Variants in STARD3 observed in about 807,000 individuals in gnomAD.
STARD3 encodes the protein stAR-related lipid transfer protein 3.
Under a neutral mutation model 62.0 loss-of-function variants are expected in STARD3, and 39 were observed. The observed-to-expected ratio is 0.63, with a 90% confidence interval of 0.49 to 0.82. STARD3 has a LOEUF of 0.82. Ranked by LOEUF, STARD3 falls within the 40% of genes least tolerant of loss-of-function variation. The pLI is 0.00. For synonymous variants in STARD3, 229 were observed against 242.4 expected, an observed-to-expected ratio of 0.94 and a Z score of 0.51; for missense variants, 543 against 584.5, an observed-to-expected ratio of 0.93 and a Z score of 0.73.
chr17:39,653,961 C>T (rs113309125), intron 2 of STARD3, among the ~76,000 whole-genome samples: 6 of 152,314 alleles, frequency 3.9e-5, no homozygotes, highest in African/African-American at 1.4e-4. Context: ...GGTCCCTCTG[C>T]ACCCAAGTGT....
At chr17:39,637,452 G>C (rs1460250654) in intron 1 of STARD3, 1 of 152,332 alleles carries the variant, frequency 6.6e-6, no homozygotes, top group Non-Finnish European at 1.5e-5. Context: ...ATCCTGGGGA[G>C]CCCGGGGAGG....
intron 13 of STARD3, among the ~76,000 whole-genome samples, chr17:39,661,798 G>A (rs1190723190): frequency 2.0e-5 from 3 of 152,236 alleles, no homozygotes; most frequent in African/African-American, 7.2e-5. Context: ...GCTTAGGTGT[G>A]CTCAGTGGAG....
chr17:39,643,017 G>T (rs2056994621), intron 1 of STARD3, among the ~76,000 whole-genome samples: 1 of 152,082 alleles, frequency 6.6e-6, no homozygotes, highest in African/African-American at 2.4e-5. Flanking sequence ...TTGGAGGTTG[G>T]GGCACTGGGG....
At chr17:39,645,653 G>A (rs1193019736) in intron 1 of STARD3, among the ~76,000 whole-genome samples, 1 of 152,000 alleles carries the variant, frequency 6.6e-6, no homozygotes, top group Non-Finnish European at 1.5e-5. Flanking sequence ...TGTATGTTTA[G>A]TAGAGACGAG....
intron 1 of STARD3, chr17:39,653,113 A>G (rs114404174): frequency 0.011 from 2,250 of 211,434 alleles, 62 homozygotes; most frequent in African/African-American, 0.049. Flanking sequence ...TGGCAGGCCC[A>G]GAGGCTGTTG....
At chr17:39,662,099 G>T in intron 13 of STARD3, 152 bp from the exon 14 acceptor site, 1 of 679,070 alleles carries the variant, frequency 1.5e-6, no homozygotes. Flanking sequence ...GGACACCTGT[G>T]CTAAGCCTTG....
At chr17:39,659,173 G>A in intron 8 of STARD3, 67 bp downstream of exon 8, 3 of 1,597,742 alleles carry the variant, frequency 1.9e-6, no homozygotes, top group Non-Finnish European at 2.6e-6. Flanking sequence ...GGGTGCAGGG[G>A]TCAGCCGGGG....
chr17:39,654,204 C>T (rs2057105510), intron 2 of STARD3, among the ~76,000 whole-genome samples: 1 of 152,064 alleles, frequency 6.6e-6, no homozygotes, highest in Non-Finnish European at 1.5e-5. Flanking sequence ...ATTCAGCAAA[C>T]ATTTTTTGAG....
At chr17:39,656,520 C>T (rs967140170) in intron 2 of STARD3, among the ~76,000 whole-genome samples, 63 of 152,168 alleles carry the variant, frequency 4.1e-4, no homozygotes, top group African/African-American at 1.5e-3. Context: ...GGATTTTGCC[C>T]ATTAAGCATA....
chr17:39,658,342 A>G (rs1343191549), intron 5 of STARD3, 63 bp from the exon 6 acceptor site: 1 of 1,495,590 alleles, frequency 6.7e-7, no homozygotes, highest in African/African-American at 1.4e-5. Flanking sequence ...GTTGGTAGCC[A>G]CAGAAGGGGG....
At chr17:39,658,613 T>A (rs2057158334) in intron 6 of STARD3, 91 bp downstream of exon 6, 1 of 1,568,338 alleles carries the variant, frequency 6.4e-7, no homozygotes, top group Non-Finnish European at 8.8e-7. Context: ...CTGAAGCATC[T>A]CGCCACCTCT....
chr17:39,657,204 C>G, intron 3 of STARD3, 119 bp downstream of exon 3: 1 of 955,780 alleles, frequency 1.0e-6, no homozygotes. Flanking sequence ...CGGCTCCCAT[C>G]CTTCGGGAGC....
Position 39,663,013 on chromosome 17 carries a change from G to A in STARD3, c.*105G>A, listed in dbSNP as rs2057218645. 8.6e-7 allele frequency: 1 copy of A among 1,157,984 alleles called. No homozygotes were observed. 71.7% of individuals were successfully genotyped at this position (1,157,984 alleles called of 1,614,324 possible). ...ACTGCCCACATGGGACCTGGCCCCA[G>A]GCTGTCACCCTCCACCGAGCCACGC... is the stretch of plus-strand genomic sequence containing the variant. On this transcript the variant is annotated 3_prime_UTR_variant, in exon 15 of 15. Transcript: ENST00000336308.
intron 1 of STARD3, among the ~76,000 whole-genome samples, chr17:39,646,124 T>A (rs2057024361): frequency 6.6e-6 from 1 of 152,092 alleles, no homozygotes; most frequent in Non-Finnish European, 1.5e-5. Flanking sequence ...ACTCCTGACC[T>A]CAGGTGATCA....
In STARD3 at chr17:39,657,813, C is replaced by T; in HGVS notation, c.336C>T (p.Gly112=). The T allele has an allele frequency of 1.2e-6, 2 of 1,614,218 alleles. No individual in the cohort carries two copies. ...AFFRFSGLLL[G]YAVLRLRHWW... ...TCCGCTTCTCTGGACTGCTCCTAGG[C>T]TATGCCGTGCTGCGGCTCCGGCACT... is the stretch of plus-strand genomic sequence containing the variant. Residue 112 remains glycine (G), a synonymous_variant, in exon 4 of 15, where the codon GGC becomes GGT. Transcript: ENST00000336308.
At chr17:39,662,496 C>T in intron 14 of STARD3, 152 bp downstream of exon 14, 1 of 759,480 alleles carries the variant, frequency 1.3e-6, no homozygotes, top group Non-Finnish European at 2.2e-6. Context: ...GGTCAGGGTC[C>T]AGATGGTCTC....
At chr17:39,662,185 G>A in intron 13 of STARD3, 66 bp from the exon 14 acceptor site, 2 of 1,435,996 alleles carry the variant, frequency 1.4e-6, no homozygotes, top group South Asian at 2.4e-5. Flanking sequence ...GAGTGGTAGG[G>A]GCTGCGGGGG....
chr17:39,653,562 G>T lies in STARD3; in HGVS notation c.31G>T (p.Asp11Tyr). Residue 11 changes from aspartate (D) to tyrosine (Y), a missense_variant, in exon 2 of 15, where the codon GAC (aspartate) becomes TAC (tyrosine). Coordinates refer to ENST00000336308, the MANE Select transcript of STARD3 (RefSeq NM_006804.4). MSKLPRELTR[D>Y]LERSLPAVAS... ...CAAGCTGCCCAGGGAGCTGACCCGA[G>T]ACTTGGAGCGCAGCCTGCCTGCCGT... is the stretch of plus-strand genomic sequence containing the variant. 1 of 1,607,220 alleles carries T rather than the reference G, an allele frequency of 6.2e-7. No individual in the cohort carries two copies. Among genetic ancestry groups the T allele is most frequent in the Non-Finnish European group, 8.5e-7 (1 of 1,179,954 alleles).
Position 39,658,480 on chromosome 17 carries a change from C to T in STARD3, c.505C>T (p.Leu169Phe). Residue 169 changes from leucine (L) to phenylalanine (F), a missense_variant, in exon 6 of 15, where the codon CTT becomes TTT. Leu to Phe is a conservative substitution (Grantham distance 22). Coordinates refer to ENST00000336308, the MANE Select transcript of STARD3 (RefSeq NM_006804.4). The part of the protein sequence containing the change: ...FVLAWLETWF[L>F]DFKVLPQEAE... ...CCTCGCCTGGTTGGAGACCTGGTTC[C>T]TTGACTTCAAAGTCCTACCCCAGGA... is the stretch of plus-strand genomic sequence containing the variant. 1 of 1,614,132 alleles carries T rather than the reference C, an allele frequency of 6.2e-7. No homozygotes were observed. The highest frequency in any genetic ancestry group is 8.5e-7 in the Non-Finnish European group (1 of 1,180,000).
Sources: gnomAD v4.1 joint callset for allele counts (sites outside exome capture counted in the v4.1 genomes callset) on GRCh38, gnomAD v4.1.1 for gene constraint, MANE v1.5 for transcripts, NCBI Gene and HGNC (gene_info 2026-07-23, HGNC 2026-07-21) for gene names.